The following TRIM9 variants were observed in gnomAD, a reference collection of about 807,000 sequenced individuals.
The protein encoded by TRIM9 is tripartite motif containing 9.
In TRIM9, 26 loss-of-function variants were observed where a neutral mutation model predicts 78.3. The ratio of observed to expected loss-of-function variants is 0.33; its 90% confidence interval spans 0.24 to 0.46. The LOEUF (loss-of-function observed/expected upper bound fraction) is 0.46. TRIM9 is among the 20% of genes least tolerant of loss of function. The pLI is 1.00. For synonymous variants in TRIM9, 398 were observed against 416.5 expected (o/e 0.96, Z 0.54); for missense variants, 787 against 1,036.4 (o/e 0.76, Z 3.30).
intron 7 of TRIM9, among the ~76,000 whole-genome samples, chr14:50,990,425 C>T (rs756688493): frequency 9.2e-5 from 14 of 152,110 alleles, no homozygotes; most frequent in Non-Finnish European, 2.1e-4. Flanking sequence ...GCAGGAGACT[C>T]AACCATAAGA....
intron 6 of TRIM9, among the ~76,000 whole-genome samples, chr14:50,998,411 C>G (rs1401116695): frequency 1.3e-5 from 2 of 152,130 alleles, no homozygotes; most frequent in Admixed American, 6.5e-5. Context: ...GTGAGGATTA[C>G]TTAATGTTGT....
chr14:51,053,392 T>C (rs2060591239), intron 1 of TRIM9, among the ~76,000 whole-genome samples: 2 of 151,712 alleles, frequency 1.3e-5, no homozygotes, highest in African/African-American at 4.8e-5. Context: ...TAGGAGATGC[T>C]TCAACTCAAA....
Position 50,985,943 on chromosome 14 carries a change from G to A in TRIM9, c.1792+13C>T. The stretch of plus-strand genomic sequence containing the variant: ...CAGAGATCAAGGGGAAAGGTCTGAG[G>A]AGCTCAGCTCACCCGGTGCATTGAG... On this transcript the variant is annotated intron_variant, in intron 8 of 12. Coordinates refer to ENST00000684578, the MANE Select transcript of TRIM9 (RefSeq NM_001387360.1). 1 of 1,512,372 alleles carries A rather than the reference G, an allele frequency of 6.6e-7. No homozygotes were observed. Among genetic ancestry groups the A allele is most frequent in the Non-Finnish European group, 8.9e-7 (1 of 1,127,898 alleles). The allele number at this position is 1,512,372 out of a possible 1,614,324, so 93.7% of individuals were successfully genotyped here. A position where few individuals can be genotyped will look rare whatever the true frequency, so the allele number is the denominator to read the frequency against.
At chr14:51,035,076 A>G (rs777191635) in intron 1 of TRIM9, among the ~76,000 whole-genome samples, 21 of 152,348 alleles carry the variant, frequency 1.4e-4, no homozygotes, top group South Asian at 2.1e-4. Context: ...CAATAGATAT[A>G]TGACATGACA....
Position 50,989,755 on chromosome 14 carries a change from G to A in TRIM9, c.1604-3611C>T, listed in dbSNP as rs17123344. Among the ~76,000 whole-genome samples, 508 of 152,276 alleles carry A rather than the reference G, an allele frequency of 3.3e-3. 3 individuals are homozygous for A. Among genetic ancestry groups the A allele is most frequent in the African/African-American group, 0.011 (474 of 41,552 alleles). ...ATAACTCTAGGACGGGACTGTGTTC[G>A]TAACGAATACGTATCAAGATATGCT... On this transcript the variant is annotated intron_variant, in intron 7 of 12. Coordinates refer to ENST00000684578, the MANE Select transcript of TRIM9 (RefSeq NM_001387360.1).
chr14:51,006,873 C>T (rs142462794), intron 5 of TRIM9, among the ~76,000 whole-genome samples: 33 of 152,226 alleles, frequency 2.2e-4, no homozygotes, highest in African/African-American at 6.7e-4. Flanking sequence ...TACTTTTGTG[C>T]GCAGTCCTAA....
At position 51,094,934 on chromosome 14, in the gene TRIM9, C is replaced by T; in HGVS notation, c.6G>A (p.Glu2=). The T allele has an allele frequency of 1.3e-6, 2 of 1,486,512 alleles. No individual in the cohort carries two copies. The highest frequency in any genetic ancestry group is 2.4e-5 in the Admixed American group (1 of 41,392). The allele number at this position is 1,486,512 out of a possible 1,614,324, so 92.1% of individuals were successfully genotyped here. The change falls in exon 1 of 13, where the codon GAG becomes GAA. Residue 2 remains glutamate, a synonymous_variant. Coordinates refer to ENST00000684578, the MANE Select transcript of TRIM9 (RefSeq NM_001387360.1). M[E]EMEEELKCPV... ...GGCATTTCAACTCCTCTTCCATCTC[C>T]TCCATGGGGACCGGTCTGGGAGGAG... is the stretch of plus-strand genomic sequence containing the variant.
intron 1 of TRIM9, among the ~76,000 whole-genome samples, chr14:51,049,374 T>C (rs996891037): frequency 6.6e-6 from 1 of 152,174 alleles, no homozygotes; most frequent in African/African-American, 2.4e-5. Flanking sequence ...GGTCTGTGCG[T>C]GCAGTGGAGT....
chr14:51,089,085 C>T (rs1355709906), intron 1 of TRIM9: 1 of 152,018 alleles, frequency 6.6e-6, no homozygotes, highest in Non-Finnish European at 1.5e-5. Context: ...GTTACTGGAG[C>T]ATAGTCCAAC....
intron 1 of TRIM9, among the ~76,000 whole-genome samples, chr14:51,073,907 C>G (rs1209668063): frequency 6.6e-6 from 1 of 152,136 alleles, no homozygotes; most frequent in Non-Finnish European, 1.5e-5. Context: ...AGCCAAAGAA[C>G]TGACAACAAG....
At chr14:51,082,293 C>A (rs547047803) in intron 1 of TRIM9, among the ~76,000 whole-genome samples, 5 of 152,160 alleles carry the variant, frequency 3.3e-5, no homozygotes, top group African/African-American at 1.2e-4. Context: ...CACATAAAAA[C>A]TTGTATATGA....
At chr14:51,048,038 T>A (rs2060090886) in intron 1 of TRIM9, among the ~76,000 whole-genome samples, 1 of 152,194 alleles carries the variant, frequency 6.6e-6, no homozygotes, top group African/African-American at 2.4e-5. Context: ...AAAGTAATGT[T>A]TTTGGCTCTA....
At chr14:51,042,757 G>A (rs2139995305) in intron 1 of TRIM9, among the ~76,000 whole-genome samples, 1 of 152,226 alleles carries the variant, frequency 6.6e-6, no homozygotes, top group Non-Finnish European at 1.5e-5. Context: ...GGAGGAACTG[G>A]TGTCCCTTCT....
chr14:51,030,862 C>T (rs927174389), intron 1 of TRIM9, among the ~76,000 whole-genome samples: 8 of 151,762 alleles, frequency 5.3e-5, no homozygotes, highest in Admixed American at 1.3e-4. Flanking sequence ...AAGAAAGATT[C>T]GAGGCCGGGC....
At chr14:51,008,312 G>A (rs2056106941) in intron 5 of TRIM9, among the ~76,000 whole-genome samples, 1 of 152,120 alleles carries the variant, frequency 6.6e-6, no homozygotes, top group Non-Finnish European at 1.5e-5. Context: ...TTATGTTATA[G>A]CTACAAGATG....
intron 4 of TRIM9, among the ~76,000 whole-genome samples, chr14:51,010,148 A>G (rs2056393938): frequency 6.6e-6 from 1 of 151,900 alleles, no homozygotes; most frequent in Non-Finnish European, 1.5e-5. Flanking sequence ...AAAGAAAAAG[A>G]AAAAGAAAAA....
intron 11 of TRIM9, 127 bp downstream of exon 11, chr14:50,981,673 G>T: frequency 3.3e-6 from 4 of 1,206,590 alleles, no homozygotes; most frequent in Non-Finnish European, 3.5e-6. Context: ...GATTGCCTGT[G>T]CTACTTAATG....
intron 1 of TRIM9, among the ~76,000 whole-genome samples, chr14:51,028,189 T>C (rs1225706476): frequency 6.6e-6 from 1 of 152,208 alleles, no homozygotes; most frequent in Admixed American, 6.5e-5. Context: ...CAATTTCCTC[T>C]TTGTGTTTAT....
intron 1 of TRIM9, among the ~76,000 whole-genome samples, chr14:51,073,276 C>A (rs1041876776): frequency 6.6e-6 from 1 of 152,196 alleles, no homozygotes; most frequent in Non-Finnish European, 1.5e-5. Flanking sequence ...TGTACCTGAG[C>A]ACCCAGTGAT....
Sources: allele counts gnomAD v4.1 joint callset (sites outside exome capture counted in the v4.1 genomes callset), GRCh38; gene constraint gnomAD v4.1.1; transcripts MANE v1.5; gene names NCBI Gene and HGNC (gene_info 2026-07-23, HGNC 2026-07-21).